The following IMPG1 variants were observed in gnomAD, a reference collection of about 807,000 sequenced individuals.
IMPG1 encodes interphotoreceptor matrix proteoglycan 1.
IMPG1 carries 85 observed loss-of-function variants against 92.0 expected under a neutral mutation model. The observed-to-expected ratio is 0.92, with a 90% CI of 0.78 to 1.11. The LOEUF (loss-of-function observed/expected upper bound fraction) is 1.11, where lower values mean the gene tolerates loss of function less well. IMPG1 is among the 50% of genes least tolerant of loss of function. The pLI, the probability that IMPG1 is intolerant of heterozygous loss-of-function variation, is 0.00. For synonymous variants in IMPG1, 367 were observed against 334.1 expected (o/e 1.10, Z -1.08); for missense variants, 1,022 against 956.0 (o/e 1.07, Z -0.91).
chr6:76,024,363 G>T (rs1251073095), intron 5 of IMPG1, among the ~76,000 whole-genome samples: 1 of 150,640 alleles, frequency 6.6e-6, no homozygotes, highest in East Asian at 1.9e-4. Context: ...ATTGCCCAGA[G>T]AATAGTTTTA....
chr6:76,004,782 G>T (rs1783062264), intron 10 of IMPG1, among the ~76,000 whole-genome samples: 1 of 152,002 alleles, frequency 6.6e-6, no homozygotes, highest in Admixed American at 6.6e-5. Flanking sequence ...ACAACATTAG[G>T]CAACACTTCA....
chr6:76,039,631 C>T (rs1783800711), intron 2 of IMPG1, among the ~76,000 whole-genome samples: 1 of 152,180 alleles, frequency 6.6e-6, no homozygotes, highest in Non-Finnish European at 1.5e-5. Flanking sequence ...GCTGGGATTA[C>T]AAGTGAGAGC....
In IMPG1 at chr6:76,008,042, C is replaced by T. The variant is rs542399190; in HGVS notation, c.867-542G>A. On this transcript the variant is annotated intron_variant, in intron 8 of 16. Coordinates refer to ENST00000369950, the MANE Select transcript of IMPG1 (RefSeq NM_001563.4). The stretch of plus-strand genomic sequence containing the variant: ...AGCTTTGAGGGATTGATCCAATTCA[C>T]CATGGGACAGCTTGCAAGAAAAACC... Among the ~76,000 whole-genome samples, 3 of 152,278 alleles carry T rather than the reference C, an allele frequency of 2.0e-5. No homozygotes were observed. The South Asian group carries it at 6.2e-4, about 32-fold the overall frequency.
In IMPG1 at chr6:75,922,365, A is replaced by G. The variant is rs914646675; in HGVS notation, c.2317-199T>C. On this transcript the variant is annotated intron_variant, in intron 16 of 16. Transcript: ENST00000369950. Reference sequence around the variant, plus strand: ...ATGTACTCCATGCCCTCTTAAGCCTATTTAGATTCTCAGGCTGACCCATCT... The same window carrying G: ...ATGTACTCCATGCCCTCTTAAGCCTGTTTAGATTCTCAGGCTGACCCATCT... Among the ~76,000 whole-genome samples the G allele has an allele frequency of 5.3e-5, 8 of 152,172 alleles. 1 individual carries two copies. The highest frequency in any genetic ancestry group is 1.9e-4 in the African/African-American group (8 of 41,440).
intron 12 of IMPG1, among the ~76,000 whole-genome samples, chr6:75,985,786 A>T (rs891702316): frequency 6.6e-6 from 1 of 152,212 alleles, no homozygotes; most frequent in Non-Finnish European, 1.5e-5. Flanking sequence ...ATTCTGAGGC[A>T]AAAGGGAAAC....
chr6:76,023,325 C>T lies in IMPG1; in HGVS notation c.563-1106G>A, dbSNP rs1783466412. ...GACTATTACCAATGTAAGGCACCTTCAAACTTTGTAATTCTATGAATAATC... is the reference window on the plus strand; with the variant it reads ...GACTATTACCAATGTAAGGCACCTTTAAACTTTGTAATTCTATGAATAATC... On this transcript the variant is annotated intron_variant, in intron 5 of 16. Coordinates refer to ENST00000369950, the MANE Select transcript of IMPG1 (RefSeq NM_001563.4). 2.0e-5 allele frequency among the ~76,000 whole-genome samples: 3 copies of T among 152,302 alleles called. No homozygotes were observed. The South Asian group carries it at 6.2e-4, about 32-fold the overall frequency.
chr6:76,070,715 A>C (rs774683791), intron 1 of IMPG1, among the ~76,000 whole-genome samples: 1 of 152,176 alleles, frequency 6.6e-6, no homozygotes, highest in African/African-American at 2.4e-5. Context: ...ACTAAGAAAC[A>C]GAAAGTCAAA....
intron 12 of IMPG1, among the ~76,000 whole-genome samples, chr6:75,960,750 T>C (rs1320917198): frequency 3.9e-5 from 6 of 152,330 alleles, no homozygotes; most frequent in East Asian, 3.9e-4. Context: ...CAGTCCAACA[T>C]TGTATTTTTG....
intron 4 of IMPG1, among the ~76,000 whole-genome samples, chr6:76,027,659 T>C (rs1190161288): frequency 1.3e-5 from 2 of 152,252 alleles, no homozygotes; most frequent in Admixed American, 6.5e-5. Context: ...TGTGAACATA[T>C]TGACTATTCA....
In IMPG1 at chr6:76,018,808, G is replaced by C. The variant is rs748433324; in HGVS notation, c.717C>G (p.Ser239Arg). 1 of 1,611,980 alleles carries C rather than the reference G, an allele frequency of 6.2e-7. No homozygotes were observed. The highest frequency in any genetic ancestry group is 1.1e-5 in the South Asian group (1 of 90,780). The change falls in exon 7 of 17, where the codon AGC (serine) becomes AGG (arginine). Residue 239 changes from serine to arginine, a missense_variant. Ser to Arg is a moderately radical substitution (Grantham distance 110). This residue lies in a region of IMPG1 where 681 missense variants were observed against 583.6 expected (regional missense o/e 1.17). Transcript: ENST00000369950. ...TGAACTTCTGGTTTACCAGAGAGAC[G>C]CTGAGCTCCACCCTCTGCTCCTCCA... ...AVLEEQRVEL[S>R]VSLVNQKFKA...
At chr6:76,014,540 G>A (rs1213743506) in intron 7 of IMPG1, among the ~76,000 whole-genome samples, 1 of 152,168 alleles carries the variant, frequency 6.6e-6, no homozygotes, top group Non-Finnish European at 1.5e-5. Flanking sequence ...GGCTTCCTAG[G>A]ACAAACAGCT....
At chr6:75,941,883 T>C (rs1781841185) in intron 14 of IMPG1, among the ~76,000 whole-genome samples, 1 of 152,160 alleles carries the variant, frequency 6.6e-6, no homozygotes, top group Admixed American at 6.5e-5. Context: ...TTTATGACAA[T>C]TATGGTTTTT....
Position 76,034,763 on chromosome 6 carries a change from G to A in IMPG1, c.326C>T (p.Ala109Val), listed in dbSNP as rs1349442966. 33 of 1,613,938 alleles carry A rather than the reference G, an allele frequency of 2.0e-5. No individual in the cohort carries two copies. Among genetic ancestry groups the A allele is most frequent in the Admixed American group, 5.0e-5 (3 of 59,994 alleles). ...LRVCQEAVWEAYRIFLDRIPD... is the reference protein window; with the variant it reads ...LRVCQEAVWEVYRIFLDRIPD... ...GATGCGATCCAGAAAGATCCGATATGCTTCCCATACTGCTTCCTGACACAC... is the reference window on the plus strand; with the variant it reads ...GATGCGATCCAGAAAGATCCGATATACTTCCCATACTGCTTCCTGACACAC... The change falls in exon 3 of 17, where the codon GCA becomes GTA. Residue 109 changes from alanine (A) to valine (V), a missense_variant. Ala to Val is a moderately conservative substitution (Grantham distance 64, BLOSUM62 0). Coordinates refer to ENST00000369950, the MANE Select transcript of IMPG1 (RefSeq NM_001563.4).
intron 12 of IMPG1, among the ~76,000 whole-genome samples, chr6:75,953,389 C>CT (rs1782067099): frequency 6.6e-6 from 1 of 150,690 alleles, no homozygotes; most frequent in African/African-American, 2.4e-5. Context: ...TCTATATTAG[C>CT]TATTTCCCCT....
chr6:76,023,811 A>T (rs918011636), intron 5 of IMPG1, among the ~76,000 whole-genome samples: 3 of 152,156 alleles, frequency 2.0e-5, no homozygotes, highest in Non-Finnish European at 4.4e-5. Flanking sequence ...TAACTTACTA[A>T]ATCTAATCTT....
intron 5 of IMPG1, among the ~76,000 whole-genome samples, chr6:76,024,173 G>A (rs73466887): frequency 0.022 from 3,329 of 152,180 alleles, 124 homozygotes; most frequent in African/African-American, 0.076. Context: ...CTGAACTTAG[G>A]AGAAAATTGA....
chr6:75,988,517 T>C (rs1236884639), intron 12 of IMPG1, among the ~76,000 whole-genome samples: 1 of 152,208 alleles, frequency 6.6e-6, no homozygotes, highest in African/African-American at 2.4e-5. Flanking sequence ...AGATTCTAGA[T>C]ATTAGCCCTT....
chr6:75,945,496 G>A (rs1179639452), intron 14 of IMPG1, among the ~76,000 whole-genome samples: 1 of 151,772 alleles, frequency 6.6e-6, no homozygotes, highest in Non-Finnish European at 1.5e-5. Context: ...GATTACAGGT[G>A]CCCACCACCA....
intron 12 of IMPG1, among the ~76,000 whole-genome samples, chr6:75,981,852 T>G (rs948227580): frequency 2.6e-5 from 4 of 152,348 alleles, no homozygotes; most frequent in Middle Eastern, 3.4e-3. Context: ...CATCAACTTT[T>G]TGGGGGACAC....
Sources: allele counts gnomAD v4.1 joint callset (sites outside exome capture counted in the v4.1 genomes callset), GRCh38; gene constraint gnomAD v4.1.1; regional missense constraint gnomAD v4.1.1; transcripts MANE v1.5; gene names NCBI Gene and HGNC (gene_info 2026-07-23, HGNC 2026-07-21).